CFAP61: variants seen among roughly 807,000 people sequenced by gnomAD.
CFAP61 encodes the protein cilia and flagella associated protein 61.
A neutral mutation model predicts 135.6 loss-of-function variants in CFAP61; 107 were observed. The observed-to-expected ratio is 0.79, with a 90% CI of 0.67 to 0.93. The LOEUF is 0.93. Ranked by LOEUF, CFAP61 falls within the 40% of genes least tolerant of loss-of-function variation. The pLI, the probability that CFAP61 is intolerant of heterozygous loss-of-function variation, is 0.00. For synonymous variants in CFAP61, 575 were observed against 578.5 expected, an observed-to-expected ratio of 0.99 and a Z score of 0.09; for missense variants, 1,507 against 1,556.2, an observed-to-expected ratio of 0.97 and a Z score of 0.53.
At chr20:20,221,902 A>G (rs2048430269) in intron 17 of CFAP61, 1 of 152,218 alleles carries the variant, frequency 6.6e-6, no homozygotes, top group Admixed American at 6.5e-5. Context: ...AATCTTTTTG[A>G]AGACATTGTC....
chr20:20,276,460 T>TA (rs1378780114), intron 21 of CFAP61, among the ~76,000 whole-genome samples: 11 of 152,238 alleles, frequency 7.2e-5, no homozygotes, highest in Non-Finnish European at 1.5e-4. Context: ...ATAGCATATG[T>TA]AATTGCTTCT....
At chr20:20,182,588 A>C (rs2055185336) in intron 13 of CFAP61, among the ~76,000 whole-genome samples, 1 of 152,186 alleles carries the variant, frequency 6.6e-6, no homozygotes, top group Non-Finnish European at 1.5e-5. Context: ...TGTTTAATAA[A>C]TATTTGTGAT....
chr20:20,263,076 G>C lies in CFAP61; in HGVS notation c.2449G>C (p.Glu817Gln). The C allele has an allele frequency of 6.2e-7, 1 of 1,614,122 alleles. No individual in the cohort carries two copies. Among genetic ancestry groups the C allele is most frequent in the Non-Finnish European group, 8.5e-7 (1 of 1,179,986 alleles). Residue 817 changes from glutamate (E) to glutamine (Q), a missense_variant, in exon 21 of 27, where the codon GAG (glutamate) becomes CAG (glutamine). Physicochemically the swap from Glu to Gln is conservative, Grantham distance 29. Coordinates refer to ENST00000245957, the MANE Select transcript of CFAP61 (RefSeq NM_015585.4). ...PCNHFTLNEE[E>Q]DCFKALIWIR... Reference sequence around the variant, plus strand: ...CAACCATTTCACTCTCAACGAGGAAGAGGATTGCTTTAAGGCACTGATTTG... The same window carrying C: ...CAACCATTTCACTCTCAACGAGGAACAGGATTGCTTTAAGGCACTGATTTG...
chr20:20,191,555 A>C, intron 15 of CFAP61, 136 bp downstream of exon 15: 1 of 579,956 alleles, frequency 1.7e-6, no homozygotes, highest in South Asian at 2.4e-5. Flanking sequence ...TATCATCATC[A>C]TCTGCCTCTA....
chr20:20,056,564 T>G, intron 1 of CFAP61, 54 bp from the exon 2 acceptor site: 1 of 1,168,060 alleles, frequency 8.6e-7, no homozygotes, highest in Non-Finnish European at 1.2e-6. Flanking sequence ...ATTGAATTAG[T>G]GTTCAGTTTT....
At chr20:20,289,593 T>TAGAC (rs1164593192) in intron 23 of CFAP61, among the ~76,000 whole-genome samples, 1 of 152,198 alleles carries the variant, frequency 6.6e-6, no homozygotes, top group Non-Finnish European at 1.5e-5. Flanking sequence ...AAGCTGTACA[T>TAGAC]AGACCCCCAG....
chr20:20,245,278 C>T (rs1324666569), intron 18 of CFAP61, among the ~76,000 whole-genome samples: 1 of 152,196 alleles, frequency 6.6e-6, no homozygotes, highest in Non-Finnish European at 1.5e-5. Context: ...TAAACATAAG[C>T]ATACCCAAGA....
intron 13 of CFAP61, chr20:20,171,638 G>T: frequency 2.3e-6 from 1 of 435,964 alleles, no homozygotes; most frequent in Non-Finnish European, 4.1e-6. Flanking sequence ...TGAAATTTCA[G>T]TAATTTTATT....
intron 1 of CFAP61, among the ~76,000 whole-genome samples, chr20:20,054,412 T>TACACACAC (rs759860912): frequency 0.13 from 19,914 of 151,414 alleles, 1,407 homozygotes; most frequent in East Asian, 0.22. Flanking sequence ...TATATATATA[T>TACACACAC]ATACACACAC....
In CFAP61 at chr20:20,360,354, T is replaced by G; in HGVS notation, c.3658T>G (p.Tyr1220Asp). Reference sequence around the variant, plus strand: ...CCTGGTGGAGAGAAGCACTCTTGACTACCTGCACTATAACCGCTACCACCT... The same window carrying G: ...CCTGGTGGAGAGAAGCACTCTTGACGACCTGCACTATAACCGCTACCACCT... ...KTLVERSTLD[Y>D]LHYNRYHLPM... is the part of the protein sequence containing the mutation. Residue 1220 changes from tyrosine (Y) to aspartate (D), a missense_variant, in exon 27 of 27, where the codon TAC becomes GAC. Physicochemically the swap from Tyr to Asp is radical, Grantham distance 160. Transcript: ENST00000245957. 1 of 1,613,912 alleles carries G rather than the reference T, an allele frequency of 6.2e-7. No individual in the cohort carries two copies. The highest frequency in any genetic ancestry group is 8.5e-7 in the Non-Finnish European group (1 of 1,180,018).
chr20:20,258,798 A>G lies in CFAP61; in HGVS notation c.2329-4158A>G, dbSNP rs185831169. On this transcript the variant is annotated intron_variant, in intron 20 of 26. Coordinates refer to ENST00000245957, the MANE Select transcript of CFAP61 (RefSeq NM_015585.4). ...TGAATGTTTACCGCGAGACAGACAC[A>G]TGGTAACAGATGGAACTCTCACCAT... is the stretch of plus-strand genomic sequence containing the variant. 2.0e-5 allele frequency among the ~76,000 whole-genome samples: 3 copies of G among 152,340 alleles called. No homozygotes were observed. In the East Asian group the frequency reaches 5.8e-4, roughly 29 times the overall value.
rs1450015415 is a variant in CFAP61 at position 20,360,278 on chromosome 20, G to A, written c.3582G>A (p.Glu1194=). ...QIEDEEINPT[E]KPRQYLKRVF... Reference sequence around the variant, plus strand: ...AAGATGAGGAAATCAACCCGACTGAGAAGCCCAGGCAATACCTCAAAAGAG... The same window carrying A: ...AAGATGAGGAAATCAACCCGACTGAAAAGCCCAGGCAATACCTCAAAAGAG... Residue 1194 remains glutamate (E), a synonymous_variant, in exon 27 of 27, where the codon GAG becomes GAA. Transcript: ENST00000245957. The A allele has an allele frequency of 6.2e-7, 1 of 1,613,928 alleles. No individual in the cohort carries two copies. Among genetic ancestry groups the A allele is most frequent in the Admixed American group, 1.7e-5 (1 of 60,018 alleles).
chr20:20,228,221 C>T (rs371680168), intron 17 of CFAP61, 28 bp from the exon 18 acceptor site: 1 of 1,585,868 alleles, frequency 6.3e-7, no homozygotes, highest in South Asian at 1.1e-5. Context: ...TCTTTGACTC[C>T]TTCTTTGTCT....
Position 20,346,091 on chromosome 20 carries a change from CG to C in CFAP61, c.3513+4174del, listed in dbSNP as rs1416958179. ...TAATTTTTTGTATTTTTAGTAGAGA[CG>C]GGGTTTCACCTTGTTAGCCAGGATG... On this transcript the variant is annotated intron_variant, in intron 26 of 26. Coordinates refer to ENST00000245957, the MANE Select transcript of CFAP61 (RefSeq NM_015585.4). 3.8e-4 allele frequency among the ~76,000 whole-genome samples: 50 copies of C among 130,226 alleles called. 1 individual carries two copies. The East Asian group carries it at 4.9e-3, about 13-fold the overall frequency. The allele number at this position is 130,226 out of a possible 152,430, so 85.4% of individuals were successfully genotyped here. A position where few individuals can be genotyped will look rare whatever the true frequency, so the allele number is the denominator to read the frequency against.
At chr20:20,304,666 G>A (rs1353974408) in intron 25 of CFAP61, among the ~76,000 whole-genome samples, 5 of 151,858 alleles carry the variant, frequency 3.3e-5, no homozygotes, top group Non-Finnish European at 5.9e-5. Flanking sequence ...ATTTAGAATG[G>A]CAGCACCTTC....
intron 9 of CFAP61, among the ~76,000 whole-genome samples, chr20:20,146,443 C>G (rs189033071): frequency 4.2e-4 from 64 of 152,338 alleles, no homozygotes; most frequent in Admixed American, 1.3e-3. Context: ...ACTCCCAACA[C>G]TGCTGCTGGA....
At chr20:20,169,889 T>G (rs1322191768) in intron 13 of CFAP61, among the ~76,000 whole-genome samples, 1 of 152,226 alleles carries the variant, frequency 6.6e-6, no homozygotes, top group African/African-American at 2.4e-5. Flanking sequence ...AGAAACTTTT[T>G]TTATACTCTA....
intron 13 of CFAP61, among the ~76,000 whole-genome samples, chr20:20,172,619 A>G (rs923646833): frequency 2.6e-5 from 4 of 152,182 alleles, no homozygotes; most frequent in Admixed American, 2.6e-4. Flanking sequence ...CACCTGGCCA[A>G]TAAACTTTTT....
At chr20:20,234,968 G>T (rs1437976932) in intron 18 of CFAP61, among the ~76,000 whole-genome samples, 3 of 152,188 alleles carry the variant, frequency 2.0e-5, no homozygotes, top group African/African-American at 7.2e-5. Context: ...ACACTTGTTA[G>T]ACGGACACCT....
Sources: allele counts gnomAD v4.1 joint callset (sites outside exome capture counted in the v4.1 genomes callset), GRCh38; gene constraint gnomAD v4.1.1; transcripts MANE v1.5; gene names NCBI Gene and HGNC (gene_info 2026-07-23, HGNC 2026-07-21).